The following ANKS1A variants were observed in gnomAD, a reference collection of about 807,000 sequenced individuals.
ANKS1A encodes ankyrin repeat and SAM domain-containing protein 1A.
A neutral mutation model predicts 120.3 loss-of-function variants in ANKS1A; 55 were observed. The observed-to-expected ratio is 0.46, with a 90% confidence interval of 0.37 to 0.57. ANKS1A has a LOEUF of 0.57. ANKS1A is among the 20% of genes least tolerant of loss of function. The pLI is 0.00. For synonymous variants in ANKS1A, 590 were observed against 604.7 expected, an observed-to-expected ratio of 0.98 and a Z score of 0.36; for missense variants, 1,123 against 1,480.3, an observed-to-expected ratio of 0.76 and a Z score of 3.96.
At chr6:35,025,459 C>T (rs759257430) in intron 11 of ANKS1A, among the ~76,000 whole-genome samples, 17 of 152,084 alleles carry the variant, frequency 1.1e-4, no homozygotes, top group Non-Finnish European at 2.1e-4. Flanking sequence ...TTGCTGGTCC[C>T]TTGCTGCCAT....
At chr6:34,955,358 A>T (rs1770306817) in intron 1 of ANKS1A, among the ~76,000 whole-genome samples, 1 of 152,098 alleles carries the variant, frequency 6.6e-6, no homozygotes, top group South Asian at 2.1e-4. Context: ...GCTGGTCTCG[A>T]ACTCCTGACC....
At chr6:34,961,519 T>C (rs1204623659) in intron 1 of ANKS1A, among the ~76,000 whole-genome samples, 1 of 152,240 alleles carries the variant, frequency 6.6e-6, no homozygotes, top group African/African-American at 2.4e-5. Flanking sequence ...ACTATCTTTT[T>C]TCCTTTTCTT....
rs552933561 is a variant in ANKS1A, at chr6:34,904,717, C to T, written c.197+15118C>T. On this transcript the variant is annotated intron_variant, in intron 1 of 23. Transcript: ENST00000360359. ...ACTGCACTCCACCCTGGTGACAGAGCGAGACTCCATATCAAAAACAAAAAA... is the reference window on the plus strand; with the variant it reads ...ACTGCACTCCACCCTGGTGACAGAGTGAGACTCCATATCAAAAACAAAAAA... 3.9e-5 allele frequency among the ~76,000 whole-genome samples: 6 copies of T among 152,284 alleles called. No homozygotes were observed. In the South Asian group the frequency reaches 6.2e-4, roughly 16 times the overall value.
rs1342252681 is a variant in ANKS1A, at chr6:35,079,606, T to C, written c.2374T>C (p.Leu792=). The C allele has an allele frequency of 6.2e-7, 1 of 1,614,200 alleles. No individual in the cohort carries two copies. Among genetic ancestry groups the C allele is most frequent in the Non-Finnish European group, 8.5e-7 (1 of 1,180,026 alleles). The part of the protein sequence containing the change: ...LGLQDYVHSF[L]SSGYSSIDTV... ...GCTGCAGGACTACGTCCATTCCTTC[T>C]TGTCAAGTGGTTACAGCTCCATTGA... The change falls in exon 15 of 24, where the codon TTG becomes CTG. Residue 792 remains leucine, a synonymous_variant. Coordinates refer to ENST00000360359, the MANE Select transcript of ANKS1A (RefSeq NM_015245.3).
rs999415685 is a variant in ANKS1A at position 34,889,276 on chromosome 6, A to C, written c.-127A>C. The C allele has an allele frequency of 1.4e-4, 164 of 1,186,284 alleles. No homozygotes were observed. The highest frequency in any genetic ancestry group is 1.6e-4 in the Non-Finnish European group (155 of 951,204). The allele number at this position is 1,186,284 out of a possible 1,614,324, so 73.5% of individuals were successfully genotyped here. ...CGGAAGTGACGCGCTCGTGGGGAAA[A>C]GGCAGGGAGGGGGTGGTGTCCCCAG... On this transcript the variant is annotated 5_prime_UTR_variant, in exon 1 of 24. Coordinates refer to ENST00000360359, the MANE Select transcript of ANKS1A (RefSeq NM_015245.3). This position sits in a 1 kb window ranked among gnomAD's most constrained non-coding sequence, Gnocchi z 5.5.
chr6:35,030,447 A>G (rs1160951564), intron 11 of ANKS1A, among the ~76,000 whole-genome samples: 1 of 152,222 alleles, frequency 6.6e-6, no homozygotes, highest in Non-Finnish European at 1.5e-5. Flanking sequence ...AAAATTTGGA[A>G]TTTGGAAGGA....
intron 1 of ANKS1A, among the ~76,000 whole-genome samples, chr6:34,919,254 T>C (rs1446773453): frequency 3.9e-5 from 6 of 152,216 alleles, no homozygotes. Context: ...CTTGTGAAGG[T>C]TCCCCCAGGA....
intron 11 of ANKS1A, among the ~76,000 whole-genome samples, chr6:35,032,349 C>T (rs967790420): frequency 2.6e-5 from 4 of 152,222 alleles, no homozygotes; most frequent in African/African-American, 9.6e-5. Flanking sequence ...CCCCCTTGCA[C>T]TTTGAGCTTG....
chr6:35,074,906 C>T (rs1777264976), intron 13 of ANKS1A, among the ~76,000 whole-genome samples: 3 of 152,218 alleles, frequency 2.0e-5, no homozygotes, highest in South Asian at 4.1e-4. Context: ...AGTCACCACA[C>T]GGGGCGGGGG....
At chr6:34,932,277 C>A (rs1206803387) in intron 1 of ANKS1A, among the ~76,000 whole-genome samples, 1 of 152,252 alleles carries the variant, frequency 6.6e-6, no homozygotes, top group Non-Finnish European at 1.5e-5. Flanking sequence ...CCTCGGCCTC[C>A]CGGGTTCAAG....
chr6:35,080,360 T>A (rs545753474), intron 16 of ANKS1A, among the ~76,000 whole-genome samples: 80 of 152,340 alleles, frequency 5.3e-4, no homozygotes, highest in African/African-American at 1.9e-3. Context: ...CTGCCGGTAA[T>A]TCCTGACAAC....
chr6:34,994,401 T>A lies in ANKS1A; in HGVS notation c.1402T>A (p.Leu468Met). 6.2e-7 allele frequency: 1 copy of A among 1,612,838 alleles called. No homozygotes were observed. The highest frequency in any genetic ancestry group is 1.7e-5 in the Admixed American group (1 of 59,992). Residue 468 changes from leucine to methionine, a missense_variant, in exon 10 of 24, where the codon TTG becomes ATG. Leu to Met is a conservative substitution (Grantham distance 15). This residue lies in a region of ANKS1A where 904 missense variants were observed against 1,130.4 expected (regional missense o/e 0.80). Transcript: ENST00000360359. ...AACAGCAGAGACAAAGAAAGTGGTG[T>A]TGGTGGATGGAAAAACAAAAGGTAC... ...LLTAETKKVV[L>M]VDGKTKDHRR...
At chr6:34,968,939 A>G (rs1296264207) in intron 2 of ANKS1A, among the ~76,000 whole-genome samples, 3 of 152,236 alleles carry the variant, frequency 2.0e-5, no homozygotes, top group Admixed American at 6.5e-5. Flanking sequence ...GAATATGATC[A>G]TTAAGTCTTT....
chr6:34,972,536 T>A (rs1194198800), intron 3 of ANKS1A: 1 of 938,230 alleles, frequency 1.1e-6, no homozygotes, highest in African/African-American at 1.8e-5. Flanking sequence ...TTGATATATT[T>A]CATCCATTTT....
intron 3 of ANKS1A, among the ~76,000 whole-genome samples, chr6:34,980,574 C>A (rs978541971): frequency 5.9e-5 from 9 of 152,190 alleles, no homozygotes; most frequent in Admixed American, 3.3e-4. Flanking sequence ...GACCTTTTGA[C>A]CACTGAAAGG....
At chr6:35,032,598 C>T (rs534094289) in intron 11 of ANKS1A, among the ~76,000 whole-genome samples, 1 of 152,132 alleles carries the variant, frequency 6.6e-6, no homozygotes, top group African/African-American at 2.4e-5. Context: ...GTCATGTTTT[C>T]CCCCAAAGAA....
chr6:34,975,956 G>A (rs141923867), intron 3 of ANKS1A, among the ~76,000 whole-genome samples: 197 of 151,852 alleles, frequency 1.3e-3, no homozygotes, highest in African/African-American at 4.5e-3. Context: ...TAGCCAACAT[G>A]GTGAAACCCC....
Position 35,081,050 on chromosome 6 carries a change from T to C in ANKS1A, c.2601T>C (p.Thr867=), listed in dbSNP as rs147281720. ...CACTGAGTCAGAATGATTCCTGCAC[T>C]GGGCGGTCGGCAGATCTGCTGCTGC... ...SSPLSQNDSC[T]GRSADLLLPP... Residue 867 remains threonine (T), a synonymous_variant, in exon 17 of 24, where the codon ACT becomes ACC. Transcript: ENST00000360359. 1.9e-6 allele frequency: 3 copies of C among 1,613,982 alleles called. No homozygotes were observed. The African/African-American group carries it at 4.0e-5, about 22-fold the overall frequency.
chr6:34,952,286 T>C (rs1272356111), intron 1 of ANKS1A, among the ~76,000 whole-genome samples: 1 of 152,218 alleles, frequency 6.6e-6, no homozygotes, highest in African/African-American at 2.4e-5. Context: ...GCTTTTTAGA[T>C]GCAAAGTTCC....
Sources: allele counts gnomAD v4.1 joint callset (sites outside exome capture counted in the v4.1 genomes callset), GRCh38; gene constraint gnomAD v4.1.1; regional missense constraint gnomAD v4.1.1; non-coding constraint Gnocchi (gnomAD v3.1); transcripts MANE v1.5; gene names NCBI Gene and HGNC (gene_info 2026-07-23, HGNC 2026-07-21).